SEMA6A: variants seen among roughly 807,000 people sequenced by gnomAD.
SEMA6A encodes semaphorin-6A.
In SEMA6A, 25 loss-of-function variants were observed where a neutral mutation model predicts 96.8. The ratio of observed to expected loss-of-function variants is 0.26; its 90% confidence interval spans 0.19 to 0.36. The LOEUF is 0.36. Ranked by LOEUF, SEMA6A falls within the 10% of genes least tolerant of loss-of-function variation. The pLI is 1.00. For synonymous variants in SEMA6A, 612 were observed against 518.0 expected (o/e 1.18, Z -2.46); for missense variants, 1,363 against 1,323.1 (o/e 1.03, Z -0.47).
chr5:116,489,711 C>T (rs563606762), intron 7 of SEMA6A, among the ~76,000 whole-genome samples: 4 of 152,288 alleles, frequency 2.6e-5, no homozygotes, highest in African/African-American at 9.6e-5. Flanking sequence ...TCAAATAGGT[C>T]TTTCTTTAGT....
chr5:116,524,749 T>C (rs1759129092), intron 1 of SEMA6A, among the ~76,000 whole-genome samples: 1 of 41,744 alleles, frequency 2.4e-5, no homozygotes, highest in Admixed American at 3.7e-4. Context: ...ATAGAATGTG[T>C]GTATAATTAC....
intron 1 of SEMA6A, among the ~76,000 whole-genome samples, chr5:116,545,318 C>G (rs1387171979): frequency 1.3e-5 from 2 of 152,100 alleles, no homozygotes; most frequent in Non-Finnish European, 2.9e-5. Context: ...GCCTGTAATC[C>G]CAGCACTTTG....
chr5:116,500,136 G>T (rs1162449291), intron 3 of SEMA6A, among the ~76,000 whole-genome samples: 1 of 152,196 alleles, frequency 6.6e-6, no homozygotes, highest in African/African-American at 2.4e-5. Context: ...TATCAGAGAG[G>T]TGACTACTGA....
chr5:116,570,993 T>C (rs1438948828), intron 1 of SEMA6A, among the ~76,000 whole-genome samples: 1 of 152,230 alleles, frequency 6.6e-6, no homozygotes, highest in Non-Finnish European at 1.5e-5. Context: ...GCTATATGTG[T>C]TTAATGTTGG....
intron 1 of SEMA6A, among the ~76,000 whole-genome samples, chr5:116,534,433 AT>A (rs1759623814): frequency 6.6e-6 from 1 of 152,104 alleles, no homozygotes; most frequent in Non-Finnish European, 1.5e-5. Context: ...TCTCCACCAC[AT>A]TCCAGCCTGT....
At chr5:116,484,332 C>A (rs1490741826) in intron 10 of SEMA6A, among the ~76,000 whole-genome samples, 1 of 152,082 alleles carries the variant, frequency 6.6e-6, no homozygotes, top group Admixed American at 6.6e-5. Context: ...TCCTTTCTTC[C>A]TCCTTCCTTA....
rs1006781688 is a variant in SEMA6A at position 116,480,170 on chromosome 5, G to C, written c.1202C>G (p.Ala401Gly). 6.2e-7 allele frequency: 1 copy of C among 1,613,752 alleles called. No homozygotes were observed. Among genetic ancestry groups the C allele is most frequent in the East Asian group, 2.2e-5 (1 of 44,884 alleles). The change falls in exon 12 of 19, where the codon GCA (alanine) becomes GGA (glycine). Residue 401 changes from alanine to glycine, a missense_variant. Ala to Gly is a moderately conservative substitution (Grantham distance 60). Coordinates refer to ENST00000343348, the MANE Select transcript of SEMA6A (RefSeq NM_020796.5). ...TGGCCTGTTGAAGATGGAGGGCACTGCCTCATCCATGAGCGGGTGCGTCTT... is the reference window on the plus strand; with the variant it reads ...TGGCCTGTTGAAGATGGAGGGCACTCCCTCATCCATGAGCGGGTGCGTCTT... The part of the protein sequence containing the change: ...FIKTHPLMDE[A>G]VPSIFNRPWF...
chr5:116,493,716 A>G (rs1274850917), intron 6 of SEMA6A, among the ~76,000 whole-genome samples: 1 of 151,972 alleles, frequency 6.6e-6, no homozygotes, highest in East Asian at 1.9e-4. Context: ...TTTTCTGGTG[A>G]GCTTGTTGGT....
intron 13 of SEMA6A, 119 bp downstream of exon 13, chr5:116,478,423 G>T: frequency 9.3e-7 from 1 of 1,080,858 alleles, no homozygotes. Flanking sequence ...TTTACAAACA[G>T]CACTAAAAAG....
Position 116,566,934 on chromosome 5 carries a change from G to A in SEMA6A, c.-39+7251C>T, listed in dbSNP as rs111496974. ...AAGTCCTAGCCACAACCTCCTCAAG[G>A]GTTCCAATCAGCAGCCGAGTTTCTC... On this transcript the variant is annotated intron_variant, in intron 1 of 18. Coordinates refer to ENST00000343348, the MANE Select transcript of SEMA6A (RefSeq NM_020796.5). 8.6e-3 allele frequency among the ~76,000 whole-genome samples: 1,303 copies of A among 152,234 alleles called. 17 individuals carry two copies. Among genetic ancestry groups the A allele is most frequent in the African/African-American group, 0.03 (1,248 of 41,534 alleles).
Position 116,482,388 on chromosome 5 carries a change from G to C in SEMA6A, c.1094+56C>G, listed in dbSNP as rs191572604. 15 of 1,564,706 alleles carry C rather than the reference G, an allele frequency of 9.6e-6. No homozygotes were observed. In the South Asian group the frequency reaches 1.6e-4, roughly 17 times the overall value. ...GTTCATAGGATGTTCATTATCAGAG[G>C]TGCAAGCTTTGCCATTTCTAAAGTT... is the stretch of plus-strand genomic sequence containing the variant. On this transcript the variant is annotated intron_variant, in intron 11 of 18. Transcript: ENST00000343348.
intron 1 of SEMA6A, among the ~76,000 whole-genome samples, chr5:116,537,415 G>A (rs908030254): frequency 5.3e-5 from 8 of 152,140 alleles, no homozygotes; most frequent in South Asian, 2.1e-4. Flanking sequence ...TGCTCTGCAC[G>A]TGAAGCAGTG....
chr5:116,524,226 A>T (rs567214162), intron 1 of SEMA6A, among the ~76,000 whole-genome samples: 1 of 152,310 alleles, frequency 6.6e-6, no homozygotes, highest in Admixed American at 6.5e-5. Flanking sequence ...AGCCATGTGA[A>T]TACTGCACGA....
intron 1 of SEMA6A, among the ~76,000 whole-genome samples, chr5:116,542,911 C>G (rs566045939): frequency 6.6e-6 from 1 of 152,104 alleles, no homozygotes; most frequent in Non-Finnish European, 1.5e-5. Context: ...GCACTTGAAC[C>G]CTTTCTCTGA....
At chr5:116,535,199 G>T (rs1759655489) in intron 1 of SEMA6A, among the ~76,000 whole-genome samples, 1 of 152,178 alleles carries the variant, frequency 6.6e-6, no homozygotes, top group African/African-American at 2.4e-5. Flanking sequence ...AGAAGGAAGT[G>T]GAGTGATGGT....
At chr5:116,533,138 T>G (rs1759560255) in intron 1 of SEMA6A, among the ~76,000 whole-genome samples, 1 of 152,238 alleles carries the variant, frequency 6.6e-6, no homozygotes, top group Non-Finnish European at 1.5e-5. Flanking sequence ...TGCAAAGCTT[T>G]GAGTTAATTG....
In SEMA6A at chr5:116,504,357, A is replaced by G. The variant is rs563328834; in HGVS notation, c.100+488T>C. The stretch of plus-strand genomic sequence containing the variant: ...CAAAGGAAAGTTATAAACAGTTAAA[A>G]TGGGTCCTCTATAAATTAATTTCTC... On this transcript the variant is annotated intron_variant, in intron 2 of 18. Coordinates refer to ENST00000343348, the MANE Select transcript of SEMA6A (RefSeq NM_020796.5). 3.7e-4 allele frequency among the ~76,000 whole-genome samples: 57 copies of G among 152,318 alleles called. No homozygotes were observed. In the South Asian group the frequency reaches 0.011, roughly 30 times the overall value.
Position 116,482,293 on chromosome 5 carries a change from G to C in SEMA6A, c.1094+151C>G, listed in dbSNP as rs1440203116. 5.5e-6 allele frequency: 4 copies of C among 720,996 alleles called. No homozygotes were observed. In the Admixed American group the frequency reaches 1.1e-4, roughly 20 times the overall value. 44.7% of individuals were successfully genotyped at this position (720,996 alleles called of 1,614,324 possible). ...GAACATTGGTTTGAGTATATGAGAA[G>C]GTAACTTTGGGTTTTGGTTAATGAG... On this transcript the variant is annotated intron_variant, in intron 11 of 18. Coordinates refer to ENST00000343348, the MANE Select transcript of SEMA6A (RefSeq NM_020796.5).
At chr5:116,497,242 A>C in intron 4 of SEMA6A, 85 bp downstream of exon 4, 1 of 785,576 alleles carries the variant, frequency 1.3e-6, no homozygotes. Flanking sequence ...TAGCTACATC[A>C]TCTTAATGCA....
Sources: allele counts gnomAD v4.1 joint callset (sites outside exome capture counted in the v4.1 genomes callset), GRCh38; gene constraint gnomAD v4.1.1; transcripts MANE v1.5; gene names NCBI Gene and HGNC (gene_info 2026-07-23, HGNC 2026-07-21).